GLIS3: variants seen among roughly 807,000 people sequenced by gnomAD.
GLIS3 encodes the protein GLIS family zinc finger 3, also known as zinc finger protein GLIS3.
A neutral mutation model predicts 78.6 loss-of-function variants in GLIS3; 53 were observed. That is an observed-to-expected ratio of 0.67 (90% CI 0.54 to 0.85). The LOEUF (loss-of-function observed/expected upper bound fraction) is 0.85, where lower values mean the gene tolerates loss of function less well. Among genes scored for constraint, GLIS3 ranks in the 40% least tolerant of loss-of-function variants. GLIS3 has a pLI of 0.00. For missense variants in GLIS3, 1,703 were observed against 1,231.1 expected (o/e 1.38, Z -5.74); for synonymous variants, 684 against 509.9 (o/e 1.34, Z -4.60).
At chr9:4,359,267 G>A in the GLIS3 span, among the ~76,000 whole-genome samples, 2 of 151,672 alleles carry the variant, frequency 1.3e-5, no homozygotes, top group African/African-American at 4.8e-5. Context: ...TGGCTCCATT[G>A]CTTGAGTGGC....
At chr9:3,846,551 G>A (rs183790284) in intron 9 of GLIS3, among the ~76,000 whole-genome samples, 2 of 152,294 alleles carry the variant, frequency 1.3e-5, no homozygotes, top group Admixed American at 1.3e-4. Flanking sequence ...TTAAACTTGA[G>A]AACCTCAGAA....
At chr9:4,239,155 C>T (rs1266765041) in intron 2 of GLIS3, among the ~76,000 whole-genome samples, 3 of 115,058 alleles carry the variant, frequency 2.6e-5, no homozygotes, top group African/African-American at 1.1e-4. Flanking sequence ...CATACATGTG[C>T]ATGCACTGTT....
chr9:4,113,914 G>C (rs1831419866), intron 4 of GLIS3, among the ~76,000 whole-genome samples: 1 of 152,198 alleles, frequency 6.6e-6, no homozygotes, highest in African/African-American at 2.4e-5. Flanking sequence ...TCTTTGGTCA[G>C]TGACATTTTC....
At chr9:4,082,737 C>G (rs1446275780) in intron 4 of GLIS3, among the ~76,000 whole-genome samples, 1 of 152,208 alleles carries the variant, frequency 6.6e-6, no homozygotes, top group Non-Finnish European at 1.5e-5. Context: ...ATTCTACAAA[C>G]ACTGCTTTGT....
chr9:4,145,501 G>T (rs759771548), intron 2 of GLIS3, among the ~76,000 whole-genome samples: 4 of 152,028 alleles, frequency 2.6e-5, no homozygotes, highest in Non-Finnish European at 5.9e-5. Flanking sequence ...AACCAAAAAT[G>T]ACCAAAGCCC....
chr9:4,234,363 T>G (rs1212642154), intron 2 of GLIS3, among the ~76,000 whole-genome samples: 2 of 152,196 alleles, frequency 1.3e-5, no homozygotes, highest in East Asian at 3.8e-4. Flanking sequence ...TTAATTGGCT[T>G]AATTTCAATA....
chr9:4,338,048 G>GTGTT (rs1368586778), intron 2 of GLIS3, among the ~76,000 whole-genome samples: 1 of 103,320 alleles, frequency 9.7e-6, no homozygotes, highest in East Asian at 2.8e-4. Context: ...GTGTGTGTGT[G>GTGTT]TGTGTGTGTG....
At position 3,830,804 on chromosome 9, in the gene GLIS3, G is replaced by A. The variant is rs189666002; in HGVS notation, c.2474-1312C>T. ...CCACCTATCAAAAGAGAGGGAAGGT[G>A]CTATTTAAGTTTCTTCTTAGCTCTC... On this transcript the variant is annotated intron_variant, in intron 9 of 10. Transcript: ENST00000381971. Among the ~76,000 whole-genome samples, 7 of 152,256 alleles carry A rather than the reference G, an allele frequency of 4.6e-5. No homozygotes were observed. In the East Asian group the frequency reaches 1.4e-3, roughly 29 times the overall value.
At chr9:4,361,251 G>A in the GLIS3 span, among the ~76,000 whole-genome samples, 1 of 152,200 alleles carries the variant, frequency 6.6e-6, no homozygotes, top group African/African-American at 2.4e-5. Flanking sequence ...TGGATGTAAG[G>A]CAGTACCAAA....
intron 2 of GLIS3, among the ~76,000 whole-genome samples, chr9:4,129,805 A>C (rs1832835806): frequency 6.6e-6 from 1 of 152,208 alleles, no homozygotes; most frequent in African/African-American, 2.4e-5. Context: ...GAAGCTTTGG[A>C]ATTGGGTATG....
intron 2 of GLIS3, among the ~76,000 whole-genome samples, chr9:4,345,557 C>A (rs13295703): frequency 0.09 from 13,647 of 152,184 alleles, 839 homozygotes; most frequent in East Asian, 0.16. Context: ...GGGATTTTGG[C>A]CTGCAGAGGA....
intron 6 of GLIS3, among the ~76,000 whole-genome samples, chr9:3,909,374 A>G (rs1823978170): frequency 6.6e-6 from 1 of 152,260 alleles, no homozygotes; most frequent in South Asian, 2.1e-4. Flanking sequence ...TAGGTAATTA[A>G]TCTCTAACAA....
intron 2 of GLIS3, among the ~76,000 whole-genome samples, chr9:4,333,369 G>C (rs927009747): frequency 1.3e-5 from 2 of 151,794 alleles, no homozygotes; most frequent in South Asian, 4.2e-4. Flanking sequence ...AAGGAAAAAG[G>C]GAAGAAAGGA....
chr9:4,199,869 A>C (rs1453714572), intron 2 of GLIS3, among the ~76,000 whole-genome samples: 1 of 152,204 alleles, frequency 6.6e-6, no homozygotes, highest in African/African-American at 2.4e-5. Flanking sequence ...CTCTGCATCT[A>C]CACAAGGAAC....
chr9:4,215,742 G>C (rs148268401), intron 2 of GLIS3, among the ~76,000 whole-genome samples: 7 of 152,188 alleles, frequency 4.6e-5, no homozygotes, highest in African/African-American at 1.7e-4. Flanking sequence ...CCACTTCAAA[G>C]TTTCCTCATA....
chr9:4,385,710 GGA>G, the GLIS3 span, among the ~76,000 whole-genome samples: 7 of 93,272 alleles, frequency 7.5e-5, 2 homozygotes, highest in African/African-American at 4.2e-5. Context: ...AACAAAGAAA[GGA>G]GAGAGAGAGA....
At chr9:3,997,504 A>T in intron 4 of GLIS3, among the ~76,000 whole-genome samples, 1 of 152,144 alleles carries the variant, frequency 6.6e-6, no homozygotes, top group Admixed American at 6.5e-5. Context: ...ATCCTCACTC[A>T]TGACTATACT....
chr9:4,354,037 C>A, the GLIS3 span, among the ~76,000 whole-genome samples: 1 of 148,348 alleles, frequency 6.7e-6, no homozygotes, highest in Non-Finnish European at 1.5e-5. Context: ...AGGGTCTCAC[C>A]GTGTTAGCCA....
intron 2 of GLIS3, among the ~76,000 whole-genome samples, chr9:4,144,610 A>G (rs1834067892): frequency 6.6e-6 from 1 of 152,234 alleles, no homozygotes; most frequent in Non-Finnish European, 1.5e-5. Context: ...TAAAGCTGTA[A>G]TACATTTTTC....
Sources: allele counts gnomAD v4.1 joint callset (sites outside exome capture counted in the v4.1 genomes callset), GRCh38; gene constraint gnomAD v4.1.1; transcripts MANE v1.5; gene names NCBI Gene and HGNC (gene_info 2026-07-23, HGNC 2026-07-21).